Variants in COL23A1 observed in about 807,000 individuals in gnomAD.
COL23A1 encodes collagen alpha-1(XXIII) chain.
A neutral mutation model predicts 99.3 loss-of-function variants in COL23A1; 97 were observed. The ratio of observed to expected loss-of-function variants is 0.98; its 90% CI spans 0.83 to 1.16. The LOEUF (loss-of-function observed/expected upper bound fraction) is 1.16. Among genes scored for constraint, COL23A1 ranks in the 50% most tolerant of loss-of-function variants. COL23A1 has a pLI of 0.00. For synonymous variants in COL23A1, 320 were observed against 308.2 expected (o/e 1.04, Z -0.40); for missense variants, 762 against 757.4 (o/e 1.01, Z -0.07).
intron 2 of COL23A1, among the ~76,000 whole-genome samples, chr5:178,492,537 G>A (rs1455552374): frequency 6.6e-6 from 1 of 152,124 alleles, no homozygotes; most frequent in African/African-American, 2.4e-5. Flanking sequence ...TGTGCAGTCT[G>A]TGGTATTTGT....
intron 2 of COL23A1, among the ~76,000 whole-genome samples, chr5:178,492,546 G>A (rs975302070): frequency 3.3e-5 from 5 of 152,114 alleles, no homozygotes; most frequent in African/African-American, 1.2e-4. Flanking sequence ...TGTGGTATTT[G>A]TTATGGCAGC....
At chr5:178,526,711 G>T (rs75192826) in intron 2 of COL23A1, among the ~76,000 whole-genome samples, 5,663 of 152,120 alleles carry the variant, frequency 0.037, 218 homozygotes, top group African/African-American at 0.1. Context: ...GATAGAGGGG[G>T]TTCAGGCAAG....
chr5:178,408,901 G>A (rs374202431), intron 2 of COL23A1, among the ~76,000 whole-genome samples: 1 of 147,724 alleles, frequency 6.8e-6, no homozygotes, highest in Non-Finnish European at 1.5e-5. Context: ...GTTGCAGTGA[G>A]CCAAGACCGT....
At chr5:178,584,091 C>T (rs975666137) in intron 1 of COL23A1, among the ~76,000 whole-genome samples, 3 of 152,220 alleles carry the variant, frequency 2.0e-5, no homozygotes, top group African/African-American at 4.8e-5. Flanking sequence ...TCTTGGCCCA[C>T]TGCAACCTCC....
intron 2 of COL23A1, among the ~76,000 whole-genome samples, chr5:178,426,135 G>C (rs1156640775): frequency 6.6e-6 from 1 of 152,192 alleles, no homozygotes; most frequent in Non-Finnish European, 1.5e-5. Flanking sequence ...TTAGACATCA[G>C]GCATTTTGTA....
chr5:178,466,644 C>T (rs1370229673), intron 2 of COL23A1, among the ~76,000 whole-genome samples: 3 of 152,232 alleles, frequency 2.0e-5, no homozygotes, highest in East Asian at 1.9e-4. Flanking sequence ...CCTGCTGCTG[C>T]GGGGGATGGC....
chr5:178,350,157 C>A (rs766416577), intron 2 of COL23A1, among the ~76,000 whole-genome samples: 2 of 152,238 alleles, frequency 1.3e-5, no homozygotes, highest in Non-Finnish European at 2.9e-5. Flanking sequence ...ACGCAGTCAG[C>A]TTCTACTCAG....
At chr5:178,425,335 T>A (rs1019584111) in intron 2 of COL23A1, among the ~76,000 whole-genome samples, 16 of 151,858 alleles carry the variant, frequency 1.1e-4, no homozygotes, top group Non-Finnish European at 1.9e-4. Flanking sequence ...GGCAGGAGAA[T>A]CGCTTGAACC....
At chr5:178,368,184 G>A (rs944043209) in intron 2 of COL23A1, among the ~76,000 whole-genome samples, 5 of 152,192 alleles carry the variant, frequency 3.3e-5, no homozygotes, top group Non-Finnish European at 1.5e-5. Context: ...ATGTGTGAAA[G>A]GCAACATGGG....
chr5:178,566,742 G>A (rs1762859949), intron 1 of COL23A1, among the ~76,000 whole-genome samples: 1 of 152,078 alleles, frequency 6.6e-6, no homozygotes, highest in Admixed American at 6.5e-5. Flanking sequence ...CTTGAACCCG[G>A]GAGGCGAAGG....
At chr5:178,585,751 T>TAATAATGCCCTACAGCCC (rs1562115782) in intron 1 of COL23A1, among the ~76,000 whole-genome samples, 5 of 5,210 alleles carry the variant, frequency 9.6e-4, no homozygotes, top group Admixed American at 2.6e-3. Flanking sequence ...GCTGACCCTG[T>TAATAATGCCCTACAGCCC]TGGTTGCTCC....
At chr5:178,345,527 T>C (rs1196619545) in intron 2 of COL23A1, among the ~76,000 whole-genome samples, 1 of 152,048 alleles carries the variant, frequency 6.6e-6, no homozygotes, top group Non-Finnish European at 1.5e-5. Context: ...ACACCATTTT[T>C]TTTTTTTGAG....
intron 2 of COL23A1, among the ~76,000 whole-genome samples, chr5:178,427,536 G>A (rs1427778066): frequency 6.6e-6 from 1 of 152,206 alleles, no homozygotes; most frequent in African/African-American, 2.4e-5. Flanking sequence ...TTCAGTAGGT[G>A]AGTGGGTAGG....
intron 3 of COL23A1, among the ~76,000 whole-genome samples, chr5:178,301,279 T>TA (rs1307904443): frequency 2.0e-5 from 3 of 152,244 alleles, no homozygotes; most frequent in Admixed American, 6.5e-5. Context: ...TTTGGTTCTT[T>TA]AAAAAATACT....
intron 5 of COL23A1, among the ~76,000 whole-genome samples, chr5:178,274,649 G>C (rs1045660792): frequency 6.6e-6 from 1 of 152,110 alleles, no homozygotes; most frequent in African/African-American, 2.4e-5. Context: ...CAGCTGCCCC[G>C]TTCCTCTCCC....
chr5:178,514,456 C>T (rs1286104706), intron 2 of COL23A1, among the ~76,000 whole-genome samples: 3 of 152,214 alleles, frequency 2.0e-5, no homozygotes, highest in African/African-American at 7.2e-5. Flanking sequence ...TATGATAGTT[C>T]CATTTATCAT....
chr5:178,488,933 A>C (rs1488078947), intron 2 of COL23A1, among the ~76,000 whole-genome samples: 1 of 152,222 alleles, frequency 6.6e-6, no homozygotes, highest in Non-Finnish European at 1.5e-5. Context: ...CAAACACACC[A>C]GCTCTCCAAC....
chr5:178,297,654 C>T (rs1218239292), intron 3 of COL23A1, among the ~76,000 whole-genome samples: 2 of 152,194 alleles, frequency 1.3e-5, no homozygotes, highest in African/African-American at 2.4e-5. Context: ...ACTTGTGGGT[C>T]GGGGACTGTT....
intron 2 of COL23A1, among the ~76,000 whole-genome samples, chr5:178,431,167 G>A (rs2127818804): frequency 6.6e-6 from 1 of 152,314 alleles, no homozygotes; most frequent in East Asian, 1.9e-4. Context: ...ACAGAGGCAT[G>A]AGAAGGATCC....
Sources: gnomAD v4.1 joint callset for allele counts (sites outside exome capture counted in the v4.1 genomes callset) on GRCh38, gnomAD v4.1.1 for gene constraint, MANE v1.5 for transcripts, NCBI Gene and HGNC (gene_info 2026-07-23, HGNC 2026-07-21) for gene names.